The following LRMDA variants were observed in gnomAD, a reference collection of about 807,000 sequenced individuals.
The protein encoded by LRMDA is leucine rich melanocyte differentiation associated, also known as leucine-rich melanocyte differentiation-associated protein.
In LRMDA, 18 loss-of-function variants were observed where a neutral mutation model predicts 29.8. That is an observed-to-expected ratio of 0.60 (90% CI 0.42 to 0.90). The LOEUF (loss-of-function observed/expected upper bound fraction) is 0.90, where lower values mean the gene tolerates loss of function less well. LRMDA is among the 40% of genes least tolerant of loss of function. The probability of loss-of-function intolerance (pLI) is 0.00; values close to 1 mark genes in which losing one functional copy is unlikely to be tolerated. For missense variants in LRMDA, 273 were observed against 273.9 expected, an observed-to-expected ratio of 1.00 and a Z score of 0.02; for synonymous variants, 125 against 109.4, an observed-to-expected ratio of 1.14 and a Z score of -0.89.
intron 2 of LRMDA, among the ~76,000 whole-genome samples, chr10:75,852,173 C>T (rs1304679096): frequency 1.3e-5 from 2 of 152,192 alleles, no homozygotes; most frequent in Non-Finnish European, 2.9e-5. Context: ...CTTGTCTCAA[C>T]TTAACTTCCA....
intron 2 of LRMDA, among the ~76,000 whole-genome samples, chr10:75,672,894 G>A (rs1469637930): frequency 3.3e-5 from 5 of 150,460 alleles, no homozygotes; most frequent in South Asian, 2.1e-4. Context: ...TCCTTCCACC[G>A]TTGGCTTTTA....
At chr10:76,457,867 G>A (rs1842473207) in intron 6 of LRMDA, among the ~76,000 whole-genome samples, 1 of 152,170 alleles carries the variant, frequency 6.6e-6, no homozygotes, top group Non-Finnish European at 1.5e-5. Context: ...TTTATAGGGT[G>A]TAGCTGCTGC....
chr10:76,014,832 A>G (rs1404536663), intron 2 of LRMDA, among the ~76,000 whole-genome samples: 5 of 152,148 alleles, frequency 3.3e-5, no homozygotes, highest in Non-Finnish European at 7.3e-5. Context: ...GGGGTGTGGC[A>G]CTTTGTCTTC....
intron 2 of LRMDA, among the ~76,000 whole-genome samples, chr10:75,751,337 A>T (rs572245795): frequency 6.8e-6 from 1 of 148,082 alleles, no homozygotes; most frequent in Non-Finnish European, 1.5e-5. Context: ...GAGACCGGGG[A>T]GAGGGAGAGG....
chr10:75,577,192 T>A lies in LRMDA; in HGVS notation c.131+138698T>A, dbSNP rs535376274. ...AGAATAACCAGTATAGAGAAGAACA[T>A]ATATGACCTGATGGAGCTGAAAAAC... is the stretch of plus-strand genomic sequence containing the variant. On this transcript the variant is annotated intron_variant, in intron 2 of 6. Transcript: ENST00000611255. Among the ~76,000 whole-genome samples the A allele has an allele frequency of 5.3e-5, 8 of 152,174 alleles. No homozygotes were observed. The South Asian group carries it at 1.7e-3, about 32-fold the overall frequency.
intron 2 of LRMDA, among the ~76,000 whole-genome samples, chr10:75,799,723 T>TGTGTGTGTGTGTGTG: frequency 6.8e-6 from 1 of 147,756 alleles, no homozygotes; most frequent in African/African-American, 2.5e-5. Context: ...TGTGTGTGTG[T>TGTGTGTGTGTGTGTG]TTAGTAGAGA....
intron 2 of LRMDA, among the ~76,000 whole-genome samples, chr10:75,499,015 G>T (rs561311916): frequency 6.6e-6 from 1 of 152,234 alleles, no homozygotes; most frequent in African/African-American, 2.4e-5. Context: ...AGAAGGTGCT[G>T]ATCTGGATGC....
At chr10:75,967,148 T>C (rs9415141) in intron 2 of LRMDA, among the ~76,000 whole-genome samples, 20,537 of 152,192 alleles carry the variant, frequency 0.13, 1,865 homozygotes, top group South Asian at 0.28. Flanking sequence ...AGAGCTGAGC[T>C]CTCCAATCCC....
intron 6 of LRMDA, among the ~76,000 whole-genome samples, chr10:76,376,228 C>T: frequency 6.6e-6 from 1 of 152,128 alleles, no homozygotes; most frequent in Non-Finnish European, 1.5e-5. Context: ...TTAGCTCCCA[C>T]TTATGAGTGA....
chr10:75,608,033 A>G (rs1483142977), intron 2 of LRMDA, among the ~76,000 whole-genome samples: 1 of 149,084 alleles, frequency 6.7e-6, no homozygotes, highest in Non-Finnish European at 1.5e-5. Context: ...TCCATCAGAT[A>G]TATACCCAGA....
chr10:76,320,796 T>C (rs933019388), intron 5 of LRMDA, among the ~76,000 whole-genome samples: 1 of 152,222 alleles, frequency 6.6e-6, no homozygotes, highest in African/African-American at 2.4e-5. Flanking sequence ...TCTCTCCACA[T>C]CACACTAGCC....
At chr10:75,928,298 T>TTA (rs34703584) in intron 2 of LRMDA, among the ~76,000 whole-genome samples, 4 of 150,526 alleles carry the variant, frequency 2.7e-5, no homozygotes, top group Non-Finnish European at 5.9e-5. Context: ...TTTTTTTTTT[T>TTA]ACACTTTGAG....
At chr10:76,447,132 G>A (rs1244857512) in intron 6 of LRMDA, among the ~76,000 whole-genome samples, 1 of 151,052 alleles carries the variant, frequency 6.6e-6, no homozygotes, top group Non-Finnish European at 1.5e-5. Flanking sequence ...GTTCACTAGT[G>A]TTCTCTTTAA....
intron 2 of LRMDA, among the ~76,000 whole-genome samples, chr10:75,530,411 G>T (rs548758245): frequency 6.6e-6 from 1 of 152,312 alleles, no homozygotes; most frequent in African/African-American, 2.4e-5. Context: ...GGACGGCAAT[G>T]CATGGAGCAC....
intron 2 of LRMDA, among the ~76,000 whole-genome samples, chr10:75,529,815 T>C (rs777727668): frequency 1.3e-5 from 2 of 152,172 alleles, no homozygotes; most frequent in Non-Finnish European, 2.9e-5. Flanking sequence ...CAAAATATGG[T>C]CTAACTCAAA....
intron 6 of LRMDA, among the ~76,000 whole-genome samples, chr10:76,400,935 A>G (rs984422850): frequency 6.6e-6 from 1 of 152,220 alleles, no homozygotes; most frequent in Non-Finnish European, 1.5e-5. Context: ...ATTTTGGAAT[A>G]TCTGCATTAT....
chr10:75,468,292 C>T (rs754237965), intron 2 of LRMDA, among the ~76,000 whole-genome samples: 9 of 151,896 alleles, frequency 5.9e-5, no homozygotes, highest in East Asian at 3.9e-4. Flanking sequence ...GGGTGCGGGG[C>T]GGGGTTAGGG....
At chr10:75,530,636 C>T (rs1290704115) in intron 2 of LRMDA, among the ~76,000 whole-genome samples, 1 of 152,212 alleles carries the variant, frequency 6.6e-6, no homozygotes, top group Non-Finnish European at 1.5e-5. Context: ...CTGCCTCACT[C>T]CTTCACTGTG....
intron 5 of LRMDA, among the ~76,000 whole-genome samples, chr10:76,310,466 A>G (rs1157261042): frequency 7.5e-6 from 1 of 132,582 alleles, no homozygotes; most frequent in East Asian, 2.0e-4. Context: ...CTCCTGTTGC[A>G]TAAGTCTCAA....
Sources: gnomAD v4.1 joint callset for allele counts (sites outside exome capture counted in the v4.1 genomes callset) on GRCh38, gnomAD v4.1.1 for gene constraint, MANE v1.5 for transcripts, NCBI Gene and HGNC (gene_info 2026-07-23, HGNC 2026-07-21) for gene names.